The following VPS35 variants were observed in gnomAD, a reference collection of about 807,000 sequenced individuals.
VPS35 encodes the protein VPS35 retromer complex component, also known as vacuolar protein sorting-associated protein 35.
VPS35 carries 21 observed loss-of-function variants against 98.1 expected under a neutral mutation model. The observed-to-expected ratio is 0.21, with a 90% CI of 0.15 to 0.31. VPS35 has a LOEUF of 0.31. Among genes scored for constraint, VPS35 ranks in the 10% least tolerant of loss-of-function variants. The pLI, the probability that VPS35 is intolerant of heterozygous loss-of-function variation, is 1.00. For synonymous variants in VPS35, 268 were observed against 318.2 expected, an observed-to-expected ratio of 0.84 and a Z score of 1.68; for missense variants, 554 against 950.8, an observed-to-expected ratio of 0.58 and a Z score of 5.49.
intron 1 of VPS35, among the ~76,000 whole-genome samples, chr16:46,684,593 A>G (rs1456912222): frequency 6.6e-6 from 1 of 152,210 alleles, no homozygotes; most frequent in Non-Finnish European, 1.5e-5. Context: ...TCCATGCCAA[A>G]AAGAATTAAC....
At chr16:46,667,427 A>AT (rs1383296416) in intron 13 of VPS35, among the ~76,000 whole-genome samples, 1 of 151,976 alleles carries the variant, frequency 6.6e-6, no homozygotes, top group African/African-American at 2.4e-5. Flanking sequence ...CACTCTGCTG[A>AT]TTGTTTCCTT....
chr16:46,671,567 G>A, intron 12 of VPS35, 138 bp downstream of exon 12: 3 of 1,277,286 alleles, frequency 2.3e-6, no homozygotes, highest in South Asian at 2.6e-5. Flanking sequence ...CGCCTCCCAG[G>A]TTCAAGTGAA....
At position 46,669,008 on chromosome 16, in the gene VPS35, C is replaced by T. The variant is rs1267302192; in HGVS notation, c.1569G>A (p.Gln523=). 2 of 1,614,074 alleles carry T rather than the reference C, an allele frequency of 1.2e-6. No homozygotes were observed. The highest frequency in any genetic ancestry group is 1.7e-6 in the Non-Finnish European group (2 of 1,180,032). ...ARKHFGAGGN[Q]RIRFTLPPLV... ...AAGGTGGCAGTGTGAAGCGAATCCG[C>T]TGATTTCCACCAGCTCCAAAATGTT... The change falls in exon 13 of 17, where the codon CAG becomes CAA. Residue 523 remains glutamine (Q), a synonymous_variant. Coordinates refer to ENST00000299138, the MANE Select transcript of VPS35 (RefSeq NM_018206.6).
chr16:46,684,254 G>C (rs1966279762), intron 1 of VPS35, among the ~76,000 whole-genome samples: 1 of 152,140 alleles, frequency 6.6e-6, no homozygotes, highest in Non-Finnish European at 1.5e-5. Flanking sequence ...CTTGTGATAG[G>C]TATAGCCGAA....
rs542425183 is a variant in VPS35, at chr16:46,664,800, C to T, written c.1648-1638G>A. Among the ~76,000 whole-genome samples the T allele has an allele frequency of 2.4e-4, 37 of 152,298 alleles. 1 individual carries two copies. The highest frequency in any genetic ancestry group is 1.7e-3 in the Admixed American group (26 of 15,290). ...CCTCCCAAAGTGCTAGGATTACAGG[C>T]GTGAGCCACTGCACCCAGCTCTAAT... On this transcript the variant is annotated intron_variant, in intron 13 of 16. Transcript: ENST00000299138.
At chr16:46,685,433 T>C (rs1276625254) in intron 1 of VPS35, among the ~76,000 whole-genome samples, 2 of 152,218 alleles carry the variant, frequency 1.3e-5, no homozygotes, top group African/African-American at 4.8e-5. Flanking sequence ...AAATATTAAC[T>C]GAATAATGAA....
intron 8 of VPS35, 61 bp downstream of exon 8, chr16:46,676,522 A>G: frequency 9.7e-7 from 1 of 1,028,644 alleles, no homozygotes; most frequent in African/African-American, 1.6e-5. Context: ...ATTCAAAAAA[A>G]TGTTTAAAAT....
intron 10 of VPS35, chr16:46,674,036 G>A: frequency 2.3e-6 from 1 of 428,730 alleles, no homozygotes. Flanking sequence ...GCCCAGGGAA[G>A]CCAAAAGATT....
intron 12 of VPS35, among the ~76,000 whole-genome samples, chr16:46,669,510 T>C (rs1392449208): frequency 1.3e-5 from 2 of 151,574 alleles, no homozygotes; most frequent in African/African-American, 4.8e-5. Context: ...CTACTAAAAA[T>C]ACAAAAATTA....
chr16:46,675,819 CT>C (rs202008963), intron 8 of VPS35, among the ~76,000 whole-genome samples: 1 of 152,038 alleles, frequency 6.6e-6, no homozygotes, highest in African/African-American at 2.4e-5. Flanking sequence ...AATCCCAGCA[CT>C]TTGGGAAGCT....
chr16:46,676,435 T>A lies in VPS35; in HGVS notation c.914+148A>T, dbSNP rs1596720256. 6.0e-6 allele frequency: 4 copies of A among 668,804 alleles called. No homozygotes were observed. In the East Asian group the frequency reaches 1.1e-4, roughly 19 times the overall value. 41.4% of individuals were successfully genotyped at this position (668,804 alleles called of 1,614,324 possible). On this transcript the variant is annotated intron_variant, in intron 8 of 16. Transcript: ENST00000299138. The stretch of plus-strand genomic sequence containing the variant: ...AACCTAGACAAGTACCTAGTACTCA[T>A]ACTCACAAAGCTAAATTATTTATAG...
intron 10 of VPS35, among the ~76,000 whole-genome samples, chr16:46,673,267 G>A (rs1229221805): frequency 6.6e-6 from 1 of 151,960 alleles, no homozygotes; most frequent in African/African-American, 2.4e-5. Context: ...CACCACACCT[G>A]GCACATCATT....
At position 46,661,813 on chromosome 16, in the gene VPS35, T is replaced by C. The variant is rs761527195; in HGVS notation, c.2116A>G (p.Ile706Val). The stretch of plus-strand genomic sequence containing the variant: ...GAGGGGTCCATGCACTGATTTGCTA[T>C]TTTTAGAGCTTTTTTTAGGCACTCC... ...VMECLKKALKIANQCMDPSLQ... is the reference protein window; with the variant it reads ...VMECLKKALKVANQCMDPSLQ... Residue 706 changes from isoleucine to valine, a missense_variant, in exon 16 of 17, where the codon ATA becomes GTA. By Grantham distance (29) the Ile-to-Val change is conservative. This residue lies in a region of VPS35 where 153 missense variants were observed against 211.0 expected (regional missense o/e 0.73). Coordinates refer to ENST00000299138, the MANE Select transcript of VPS35 (RefSeq NM_018206.6). The surrounding 1 kb of genome is among the most constrained non-coding windows in gnomAD (Gnocchi z 4.3). 1 of 1,614,170 alleles carries C rather than the reference T, an allele frequency of 6.2e-7. No homozygotes were observed. Among genetic ancestry groups the C allele is most frequent in the South Asian group, 1.1e-5 (1 of 91,084 alleles).
intron 14 of VPS35, 21 bp downstream of exon 14, chr16:46,662,962 G>A (rs762311864): frequency 3.3e-5 from 54 of 1,613,934 alleles, no homozygotes; most frequent in Admixed American, 2.8e-4. Context: ...ACATGACAAC[G>A]CAGAAAGAAC....
At chr16:46,684,014 C>T (rs1450697330) in intron 1 of VPS35, among the ~76,000 whole-genome samples, 1 of 152,236 alleles carries the variant, frequency 6.6e-6, no homozygotes, top group Non-Finnish European at 1.5e-5. Flanking sequence ...GCATGAGCCA[C>T]CGCACCCAGC....
chr16:46,682,330 G>A (rs977762277), intron 2 of VPS35, 155 bp from the exon 3 acceptor site: 15 of 640,624 alleles, frequency 2.3e-5, no homozygotes, highest in African/African-American at 5.5e-5. Context: ...AACTTAGATC[G>A]GTTCACCTTG....
chr16:46,660,336 G>GTAAAACACA lies in VPS35; in HGVS notation c.*127_*135dup, dbSNP rs1421756503. 1.9e-5 allele frequency: 21 copies of GTAAAACACA among 1,088,968 alleles called. No homozygotes were observed. Among genetic ancestry groups the GTAAAACACA allele is most frequent in the Non-Finnish European group, 6.8e-6 (5 of 733,708 alleles). 67.5% of individuals were successfully genotyped at this position (1,088,968 alleles called of 1,614,324 possible). On this transcript the variant is annotated 3_prime_UTR_variant, in exon 17 of 17. Transcript: ENST00000299138. ...GAAGGTGAGTGTCCGGAGGTGCTGG[G>GTAAAACACA]TAAAACACATCACAGGTAAGAAATG... is the stretch of plus-strand genomic sequence containing the variant.
chr16:46,669,496 G>T (rs979182992), intron 12 of VPS35, among the ~76,000 whole-genome samples: 2 of 151,848 alleles, frequency 1.3e-5, no homozygotes, highest in Non-Finnish European at 2.9e-5. Flanking sequence ...GGGAAACCCT[G>T]TATCTACTAA....
chr16:46,673,610 G>A (rs1049724566), intron 10 of VPS35: 1 of 152,908 alleles, frequency 6.5e-6, no homozygotes, highest in Non-Finnish European at 1.5e-5. Flanking sequence ...GGACAGAACA[G>A]CTGAGGAGGC....
Sources: allele counts gnomAD v4.1 joint callset (sites outside exome capture counted in the v4.1 genomes callset), GRCh38; gene constraint gnomAD v4.1.1; regional missense constraint gnomAD v4.1.1; non-coding constraint Gnocchi (gnomAD v3.1); transcripts MANE v1.5; gene names NCBI Gene and HGNC (gene_info 2026-07-23, HGNC 2026-07-21).